The following CFAP57 variants were observed in gnomAD, a reference collection of about 807,000 sequenced individuals.
The protein encoded by CFAP57 is cilia- and flagella-associated protein 57.
Under a neutral mutation model 146.8 loss-of-function variants are expected in CFAP57, and 116 were observed. The observed-to-expected ratio is 0.79, with a 90% CI of 0.68 to 0.92. The LOEUF (loss-of-function observed/expected upper bound fraction) is 0.92. Among genes scored for constraint, CFAP57 ranks in the 40% least tolerant of loss-of-function variants. The probability of loss-of-function intolerance (pLI) is 0.00; values close to 1 mark genes in which losing one functional copy is unlikely to be tolerated. For missense variants in CFAP57, 1,377 were observed against 1,527.2 expected (o/e 0.90, Z 1.64); for synonymous variants, 518 against 552.8 (o/e 0.94, Z 0.88).
intron 6 of CFAP57, among the ~76,000 whole-genome samples, chr1:43,190,195 C>T (rs1374477181): frequency 6.6e-6 from 1 of 150,920 alleles, no homozygotes; most frequent in African/African-American, 2.4e-5. Flanking sequence ...CCTCTAGTAT[C>T]ATGTCAAATA....
intron 22 of CFAP57, among the ~76,000 whole-genome samples, chr1:43,253,357 CA>C (rs1431880452): frequency 6.6e-6 from 1 of 152,180 alleles, no homozygotes; most frequent in Admixed American, 6.5e-5. Flanking sequence ...AGCATGGCAT[CA>C]GGGGAAGCCA....
intron 7 of CFAP57, among the ~76,000 whole-genome samples, chr1:43,198,109 C>T (rs1643942762): frequency 6.6e-6 from 1 of 152,156 alleles, no homozygotes; most frequent in South Asian, 2.1e-4. Context: ...CCTGACTTTA[C>T]CTTCCAGCAC....
chr1:43,193,728 A>G (rs987630407), intron 6 of CFAP57, among the ~76,000 whole-genome samples: 1 of 151,882 alleles, frequency 6.6e-6, no homozygotes, highest in African/African-American at 2.4e-5. Context: ...ATTACCTTAT[A>G]TAATTTTATA....
chr1:43,205,946 T>C (rs1483972486), intron 9 of CFAP57, among the ~76,000 whole-genome samples: 1 of 152,180 alleles, frequency 6.6e-6, no homozygotes, highest in Non-Finnish European at 1.5e-5. Context: ...ATAAATGTTT[T>C]TCCATTTGCT....
intron 9 of CFAP57, among the ~76,000 whole-genome samples, chr1:43,202,777 T>C (rs1279126440): frequency 1.4e-5 from 2 of 146,282 alleles, no homozygotes; most frequent in African/African-American, 5.2e-5. Flanking sequence ...AGTGAGACCC[T>C]ACCTCAAAAA....
At chr1:43,205,411 C>T (rs1211493003) in intron 9 of CFAP57, among the ~76,000 whole-genome samples, 1 of 152,210 alleles carries the variant, frequency 6.6e-6, no homozygotes, top group Non-Finnish European at 1.5e-5. Flanking sequence ...AGAGCTGGGG[C>T]GGGGACCTGC....
Position 43,232,516 on chromosome 1 carries a change from T to C in CFAP57, c.3018T>C (p.Ala1006=), listed in dbSNP as rs1239812974. ...VMKEQIQEME[A]ELENFHKQNT... ...TCCCTTGTTGTCTACAGATGGAAGCTGAACTGGAGAATTTCCATAAGCAGA... is the reference window on the plus strand; with the variant it reads ...TCCCTTGTTGTCTACAGATGGAAGCCGAACTGGAGAATTTCCATAAGCAGA... The change falls in exon 19 of 23, where the codon GCT becomes GCC. Residue 1006 remains alanine, a synonymous_variant. Coordinates refer to ENST00000372492, the MANE Select transcript of CFAP57 (RefSeq NM_001378189.1). The C allele has an allele frequency of 6.5e-7, 1 of 1,550,218 alleles. No homozygotes were observed. The highest frequency in any genetic ancestry group is 2.0e-5 in the Admixed American group (1 of 51,002).
intron 3 of CFAP57, 147 bp from the exon 4 acceptor site, chr1:43,183,444 T>C: frequency 1.3e-6 from 1 of 756,082 alleles, no homozygotes; most frequent in Middle Eastern, 3.7e-4. Flanking sequence ...TGTGCCCTTA[T>C]CAAATGCAGC....
At chr1:43,196,877 T>C (rs1455517831) in intron 6 of CFAP57, among the ~76,000 whole-genome samples, 1 of 152,192 alleles carries the variant, frequency 6.6e-6, no homozygotes, top group Non-Finnish European at 1.5e-5. Context: ...AACTGTATAC[T>C]AAGGAAATAA....
intron 17 of CFAP57, among the ~76,000 whole-genome samples, chr1:43,226,005 T>G (rs1447796694): frequency 6.6e-6 from 1 of 152,094 alleles, no homozygotes; most frequent in African/African-American, 2.4e-5. Context: ...AAACCCCATC[T>G]CTACCAAAAA....
chr1:43,184,057 T>G (rs1042163765), intron 4 of CFAP57, among the ~76,000 whole-genome samples, 180 bp downstream of exon 4: 2 of 152,236 alleles, frequency 1.3e-5, no homozygotes. Context: ...GTTATAACCA[T>G]AGACTAAATA....
chr1:43,209,454 G>C (rs933190365), intron 10 of CFAP57, among the ~76,000 whole-genome samples: 3 of 152,158 alleles, frequency 2.0e-5, no homozygotes, highest in Non-Finnish European at 4.4e-5. Flanking sequence ...CATGGAGAAG[G>C]CACAGAACAG....
intron 1 of CFAP57, 127 bp downstream of exon 1, chr1:43,172,580 A>AGGGGAAAGGGGAG (rs1229015579): frequency 8.4e-5 from 31 of 369,674 alleles, no homozygotes; most frequent in Non-Finnish European, 1.1e-4. Context: ...GGGAAAGGGG[A>AGGGGAAAGGGGAG]GGGACAAGGG....
chr1:43,222,918 C>G lies in CFAP57; in HGVS notation c.2627C>G (p.Thr876Ser), dbSNP rs915763955. 5.8e-6 allele frequency: 9 copies of G among 1,550,124 alleles called. No homozygotes were observed. In the African/African-American group the frequency reaches 9.6e-5, roughly 17 times the overall value. The change falls in exon 16 of 23, where the codon ACC (threonine) becomes AGC (serine). Residue 876 changes from threonine (T) to serine (S), a missense_variant. Coordinates refer to ENST00000372492, the MANE Select transcript of CFAP57 (RefSeq NM_001378189.1). The part of the protein sequence containing the change: ...DEDREIQDIK[T>S]KYEKKLRDEK... The stretch of plus-strand genomic sequence containing the variant: ...GACCGAGAAATCCAAGATATCAAAA[C>G]CAAGTATGAGAAAAAGCTTCGGGAT...
intron 17 of CFAP57, 118 bp downstream of exon 17, chr1:43,224,322 G>A: frequency 8.3e-7 from 1 of 1,206,418 alleles, no homozygotes; most frequent in Non-Finnish European, 1.1e-6. Context: ...AACTTGATGG[G>A]GGAACCAGCC....
intron 2 of CFAP57, 82 bp downstream of exon 2, chr1:43,172,992 G>T (rs911697970): frequency 3.1e-5 from 43 of 1,376,596 alleles, no homozygotes; most frequent in Admixed American, 6.8e-5. Flanking sequence ...TGATTGGAAA[G>T]AAAGATTTTG....
intron 17 of CFAP57, among the ~76,000 whole-genome samples, chr1:43,225,087 G>A (rs1645195556): frequency 6.6e-6 from 1 of 151,134 alleles, no homozygotes; most frequent in Non-Finnish European, 1.5e-5. Context: ...TTGTTTGTTT[G>A]TTTTTAGGGA....
intron 6 of CFAP57, among the ~76,000 whole-genome samples, chr1:43,194,309 A>T (rs1643728892): frequency 6.6e-6 from 1 of 152,006 alleles, no homozygotes. Context: ...GATATCTGCT[A>T]TTAATCTTAT....
At position 43,181,554 on chromosome 1, in the gene CFAP57, A is replaced by G; in HGVS notation, c.178A>G (p.Met60Val). Residue 60 changes from methionine to valine, a missense_variant, in exon 3 of 23, where the codon ATG becomes GTG. Transcript: ENST00000372492. ...TGCAGGCTCAGAGAAGAGTCAGGGC[A>G]TGTTGGCCTTGTCCATCAGTCCCAA... ...FIPGSEKSQG[M>V]LALSISPNRR... 1 of 1,614,182 alleles carries G rather than the reference A, an allele frequency of 6.2e-7. No homozygotes were observed. Among genetic ancestry groups the G allele is most frequent in the South Asian group, 1.1e-5 (1 of 91,082 alleles).
Sources: allele counts gnomAD v4.1 joint callset (sites outside exome capture counted in the v4.1 genomes callset), GRCh38; gene constraint gnomAD v4.1.1; transcripts MANE v1.5; gene names NCBI Gene and HGNC (gene_info 2026-07-23, HGNC 2026-07-21).